AP4E1: variants seen among roughly 807,000 people sequenced by gnomAD.
AP4E1 encodes AP-4 complex subunit epsilon-1.
Under a neutral mutation model 128.2 loss-of-function variants are expected in AP4E1, and 56 were observed. The observed-to-expected ratio is 0.44, with a 90% confidence interval of 0.35 to 0.55. The LOEUF (loss-of-function observed/expected upper bound fraction) is 0.55. Among genes scored for constraint, AP4E1 ranks in the 20% least tolerant of loss-of-function variants. The pLI is 0.00. For synonymous variants in AP4E1, 484 were observed against 473.1 expected (o/e 1.02, Z -0.30); for missense variants, 1,324 against 1,307.7 (o/e 1.01, Z -0.19).
At chr15:51,001,205 C>A in intron 20 of AP4E1, 22 bp downstream of exon 20, 1 of 1,606,556 alleles carries the variant, frequency 6.2e-7, no homozygotes, top group Admixed American at 1.7e-5. Flanking sequence ...TATAAAAAGG[C>A]TATTCTGTGT....
Position 50,924,010 on chromosome 15 carries a change from G to A in AP4E1, c.420+6G>A. On this transcript the variant is annotated splice_donor_region_variant and intron_variant, in intron 4 of 20. Coordinates refer to ENST00000261842, the MANE Select transcript of AP4E1 (RefSeq NM_007347.5). ...TTGTGAATACAGTTGTAAAGGTATT[G>A]TATTGTATGTTGGTTAATATGAAGT... 1 of 1,596,740 alleles carries A rather than the reference G, an allele frequency of 6.3e-7. No homozygotes were observed. The highest frequency in any genetic ancestry group is 8.6e-7 in the Non-Finnish European group (1 of 1,164,724).
At chr15:50,929,836 T>C (rs895865480) in intron 6 of AP4E1, among the ~76,000 whole-genome samples, 1 of 152,188 alleles carries the variant, frequency 6.6e-6, no homozygotes, top group African/African-American at 2.4e-5. Context: ...TATTTTTTCC[T>C]TAACATTTAC....
In AP4E1 at chr15:50,973,087, T is replaced by A. The variant is rs896151590; in HGVS notation, c.1966+4710T>A. On this transcript the variant is annotated intron_variant, in intron 15 of 20. Transcript: ENST00000261842. ...AGGGGAAATCATTGAGTTATTTGGA[T>A]GGTAGAAGGGAAGTATGCATATGAA... Among the ~76,000 whole-genome samples, 4 of 152,202 alleles carry A rather than the reference T, an allele frequency of 2.6e-5. No individual in the cohort carries two copies. In the South Asian group the frequency reaches 8.3e-4, roughly 31 times the overall value.
chr15:50,993,325 T>C, intron 16 of AP4E1, 45 bp from the exon 17 acceptor site: 1 of 1,607,438 alleles, frequency 6.2e-7, no homozygotes, highest in Non-Finnish European at 8.5e-7. Flanking sequence ...AAGTAACTAT[T>C]AGCAGTTATT....
At chr15:50,998,415 A>AAGT (rs1174141456) in intron 18 of AP4E1, among the ~76,000 whole-genome samples, 3 of 152,000 alleles carry the variant, frequency 2.0e-5, no homozygotes, top group African/African-American at 7.2e-5. Context: ...GTGGATCACG[A>AAGT]GGTCAGGAGT....
chr15:50,984,597 G>A (rs899613122), intron 16 of AP4E1, among the ~76,000 whole-genome samples: 5 of 151,836 alleles, frequency 3.3e-5, no homozygotes, highest in Admixed American at 6.6e-5. Context: ...TGAGAATGAT[G>A]GTTTCCAGCT....
rs2140878326 is a variant in AP4E1, at chr15:50,958,712, C to T, written c.1769C>T (p.Ala590Val). Residue 590 changes from alanine (A) to valine (V), a missense_variant, in exon 14 of 21, where the codon GCA becomes GTA. By Grantham distance (64) the Ala-to-Val change is moderately conservative (BLOSUM62 0). Coordinates refer to ENST00000261842, the MANE Select transcript of AP4E1 (RefSeq NM_007347.5). ...TTGGATACTTGTATGAGACAACATG[C>T]ATTTGAATTAAAACATTTGCATGAG... The part of the protein sequence containing the change: ...ISLDTCMRQH[A>V]FELKHLHENV... 2 of 1,614,070 alleles carry T rather than the reference C, an allele frequency of 1.2e-6. No homozygotes were observed. The highest frequency in any genetic ancestry group is 1.7e-6 in the Non-Finnish European group (2 of 1,179,978).
chr15:50,975,260 C>G (rs1271021269), intron 15 of AP4E1, among the ~76,000 whole-genome samples: 1 of 152,102 alleles, frequency 6.6e-6, no homozygotes, highest in Non-Finnish European at 1.5e-5. Flanking sequence ...ACAAAATTAG[C>G]CAGGCGTGGT....
chr15:50,981,201 A>G lies in AP4E1; in HGVS notation c.1967-2821A>G, dbSNP rs533696990. The stretch of plus-strand genomic sequence containing the variant: ...AGCTGCTGGGTGGACTGAGCCCCAA[A>G]GCCATAGGACTTTGTCATAGATGTG... On this transcript the variant is annotated intron_variant, in intron 15 of 20. Transcript: ENST00000261842. 5.9e-5 allele frequency among the ~76,000 whole-genome samples: 9 copies of G among 152,284 alleles called. No individual in the cohort carries two copies. The East Asian group carries it at 1.7e-3, about 29-fold the overall frequency.
At chr15:50,969,378 G>A (rs2064444296) in intron 15 of AP4E1, among the ~76,000 whole-genome samples, 1 of 152,150 alleles carries the variant, frequency 6.6e-6, no homozygotes, top group Admixed American at 6.5e-5. Context: ...GAAGGTGGGA[G>A]TATCATGTTG....
intron 14 of AP4E1, among the ~76,000 whole-genome samples, chr15:50,963,806 A>C (rs1341727079): frequency 6.6e-6 from 1 of 152,278 alleles, no homozygotes; most frequent in East Asian, 1.9e-4. Flanking sequence ...CATGTATCAA[A>C]GAATCGTATG....
intron 13 of AP4E1, among the ~76,000 whole-genome samples, chr15:50,950,594 C>G (rs1231308903): frequency 6.6e-6 from 1 of 152,066 alleles, no homozygotes; most frequent in African/African-American, 2.4e-5. Context: ...TTATTAACTT[C>G]TTTTCTTCTT....
At chr15:50,978,248 T>A (rs897524092) in intron 15 of AP4E1, among the ~76,000 whole-genome samples, 14 of 152,098 alleles carry the variant, frequency 9.2e-5, no homozygotes, top group African/African-American at 2.9e-4. Flanking sequence ...AAAATATTAA[T>A]AAAATGTGTT....
At position 50,958,779 on chromosome 15, in the gene AP4E1, TTG is replaced by T; in HGVS notation, c.1839_1840del (p.Cys613Ter). ...AGAGCTTGCTTCCAGTTGACAGGAG[TTG>T]TGAAGACTTGGTGGTAAGACATTGG... ...MKSLLPVDRS[C>X]EDLVVDASLS... On this transcript the variant is annotated frameshift_variant, in exon 14 of 21. Coordinates refer to ENST00000261842, the MANE Select transcript of AP4E1 (RefSeq NM_007347.5). LOFTEE classifies it high-confidence loss of function. The T allele has an allele frequency of 6.2e-7, 1 of 1,614,090 alleles. No homozygotes were observed. The highest frequency in any genetic ancestry group is 8.5e-7 in the Non-Finnish European group (1 of 1,179,984).
intron 11 of AP4E1, among the ~76,000 whole-genome samples, chr15:50,949,251 AAC>A (rs537828194): frequency 6.0e-5 from 9 of 151,258 alleles, no homozygotes; most frequent in African/African-American, 1.9e-4. Context: ...TCTCTACTAA[AAC>A]ACAAAAAAAT....
At chr15:50,942,288 A>C (rs1366613786) in intron 10 of AP4E1, among the ~76,000 whole-genome samples, 1 of 152,194 alleles carries the variant, frequency 6.6e-6, no homozygotes, top group African/African-American at 2.4e-5. Context: ...AATGTCTTTA[A>C]ATTATGAGTT....
rs1226326315 is a variant in AP4E1, at chr15:50,997,645, C to T, written c.2666C>T (p.Pro889Leu). The T allele has an allele frequency of 3.1e-6, 5 of 1,614,044 alleles. No individual in the cohort carries two copies. The South Asian group carries it at 5.5e-5, about 18-fold the overall frequency. The part of the protein sequence containing the change: ...ANNNMEIFHP[P>L]QSTAASVAKE... Reference sequence around the variant, plus strand: ...AACAACATGGAAATTTTTCACCCTCCTCAATCTACTGCAGCCTCAGTTGCC... The same window carrying T: ...AACAACATGGAAATTTTTCACCCTCTTCAATCTACTGCAGCCTCAGTTGCC... The change falls in exon 18 of 21, where the codon CCT becomes CTT. Residue 889 changes from proline (P) to leucine (L), a missense_variant. Pro to Leu is a moderately conservative substitution (Grantham distance 98). Transcript: ENST00000261842.
intron 16 of AP4E1, among the ~76,000 whole-genome samples, chr15:50,989,746 G>T (rs868505361): frequency 2.4e-4 from 36 of 152,240 alleles, no homozygotes; most frequent in Middle Eastern, 3.4e-3. Flanking sequence ...GATCTGGGGG[G>T]TGTGACAGGG....
Position 50,958,872 on chromosome 15 carries a change from G to A in AP4E1, c.1851+78G>A, listed in dbSNP as rs993674459. On this transcript the variant is annotated intron_variant, in intron 14 of 20. Transcript: ENST00000261842. Reference sequence around the variant, plus strand: ...TAATTCTTGCATTTGTGACATATCAGGAATATATCAAAATGTGGTTTCTGT... The same window carrying A: ...TAATTCTTGCATTTGTGACATATCAAGAATATATCAAAATGTGGTTTCTGT... The A allele has an allele frequency of 2.1e-6, 3 of 1,419,282 alleles. No homozygotes were observed. In the African/African-American group the frequency reaches 4.2e-5, roughly 20 times the overall value. The allele number at this position is 1,419,282 out of a possible 1,614,324, so 87.9% of individuals were successfully genotyped here.
Sources: gnomAD v4.1 joint callset for allele counts (sites outside exome capture counted in the v4.1 genomes callset) on GRCh38, gnomAD v4.1.1 for gene constraint, MANE v1.5 for transcripts, NCBI Gene and HGNC (gene_info 2026-07-23, HGNC 2026-07-21) for gene names.